Variants in MPP7 observed in about 807,000 individuals in gnomAD.
The protein encoded by MPP7 is MAGUK p55 subfamily member 7.
In MPP7, 60 loss-of-function variants were observed where a neutral mutation model predicts 76.5. That is an observed-to-expected ratio of 0.78 (90% CI 0.64 to 0.97). The LOEUF (loss-of-function observed/expected upper bound fraction) is 0.97, where lower values mean the gene tolerates loss of function less well. MPP7 is among the 50% of genes least tolerant of loss of function. The pLI is 0.00. For missense variants in MPP7, 641 were observed against 694.0 expected (o/e 0.92, Z 0.86); for synonymous variants, 237 against 244.5 (o/e 0.97, Z 0.29).
intron 2 of MPP7, among the ~76,000 whole-genome samples, chr10:28,237,239 TC>T (rs1262281481): frequency 6.6e-6 from 1 of 152,204 alleles, no homozygotes; most frequent in East Asian, 1.9e-4. Context: ...AATTTATGGT[TC>T]ACATAAATTT....
chr10:28,289,057 T>C lies in MPP7; in HGVS notation c.-132+13804A>G, dbSNP rs1840850990. 1.3e-5 allele frequency among the ~76,000 whole-genome samples: 2 copies of C among 152,090 alleles called. 1 individual carries two copies. The highest frequency in any genetic ancestry group is 4.2e-4 in the South Asian group (2 of 4,816). On this transcript the variant is annotated intron_variant, in intron 1 of 16. Transcript: ENST00000683449. ...GCTCACACCTGTAATCCCAGCACTT[T>C]GGGAGGCCGAGGTGGGCGGATCATT...
At chr10:28,218,611 C>G (rs1838392302) in intron 2 of MPP7, among the ~76,000 whole-genome samples, 1 of 152,136 alleles carries the variant, frequency 6.6e-6, no homozygotes, top group Non-Finnish European at 1.5e-5. Flanking sequence ...ATCAAACCAT[C>G]CAGGCCATAT....
intron 11 of MPP7, among the ~76,000 whole-genome samples, chr10:28,117,073 C>T (rs1345674030): frequency 6.6e-6 from 1 of 152,056 alleles, no homozygotes; most frequent in East Asian, 1.9e-4. Flanking sequence ...CCTATAGTTC[C>T]AGAACCATCT....
chr10:28,138,296 T>C (rs1183652178), intron 5 of MPP7, among the ~76,000 whole-genome samples: 1 of 152,204 alleles, frequency 6.6e-6, no homozygotes, highest in African/African-American at 2.4e-5. Flanking sequence ...TGACTATCTC[T>C]GCTTCCCCTA....
upstream of MPP7, among the ~76,000 whole-genome samples, chr10:28,335,005 C>T (rs1219947501): frequency 2.0e-5 from 3 of 152,188 alleles, no homozygotes; most frequent in African/African-American, 7.2e-5. Flanking sequence ...ACTCACGAGG[C>T]GGCAATCAAG....
intron 6 of MPP7, among the ~76,000 whole-genome samples, chr10:28,127,210 C>T (rs977072406): frequency 5.9e-5 from 9 of 152,178 alleles, no homozygotes; most frequent in Non-Finnish European, 1.0e-4. Context: ...GTTCCTTTGA[C>T]TTATTCTGTA....
chr10:28,334,815 C>A (rs1412462955), upstream of MPP7, among the ~76,000 whole-genome samples: 1 of 152,146 alleles, frequency 6.6e-6, no homozygotes, highest in Non-Finnish European at 1.5e-5. Flanking sequence ...TTCTTTCTCA[C>A]CCTTCCAAAA....
intron 1 of MPP7, 67 bp from the exon 2 acceptor site, chr10:28,238,802 C>T (rs893411027): frequency 3.4e-6 from 2 of 592,608 alleles, no homozygotes; most frequent in African/African-American, 3.7e-5. Flanking sequence ...CATTCTGTAA[C>T]TAATTCAAAA....
chr10:28,211,157 G>A (rs1838120754), intron 2 of MPP7, among the ~76,000 whole-genome samples: 1 of 151,804 alleles, frequency 6.6e-6, no homozygotes, highest in African/African-American at 2.4e-5. Flanking sequence ...AGAGTGCAGT[G>A]GCACGGTCAC....
At chr10:28,135,234 G>A (rs1376636374) in intron 5 of MPP7, among the ~76,000 whole-genome samples, 1 of 152,138 alleles carries the variant, frequency 6.6e-6, no homozygotes, top group Admixed American at 6.5e-5. Flanking sequence ...GACGTCAACT[G>A]ACTAGATTCT....
chr10:28,263,950 C>T (rs960606327), intron 1 of MPP7, among the ~76,000 whole-genome samples: 3 of 151,558 alleles, frequency 2.0e-5, no homozygotes, highest in Admixed American at 1.3e-4. Flanking sequence ...AGCTTCAATC[C>T]CCAGAAAAAA....
chr10:28,212,207 T>C (rs1838162392), intron 2 of MPP7, among the ~76,000 whole-genome samples: 1 of 151,904 alleles, frequency 6.6e-6, no homozygotes, highest in Non-Finnish European at 1.5e-5. Flanking sequence ...GGCAGACAAC[T>C]ATATGGGAAG....
chr10:28,330,208 T>C (rs2133192285), intron 1 of MPP7, among the ~76,000 whole-genome samples: 1 of 152,338 alleles, frequency 6.6e-6, no homozygotes, highest in East Asian at 1.9e-4. Flanking sequence ...TGAAATAGTT[T>C]TTGAAAATGA....
At chr10:28,279,915 T>C (rs921625474) in intron 1 of MPP7, among the ~76,000 whole-genome samples, 5 of 152,032 alleles carry the variant, frequency 3.3e-5, no homozygotes, top group Non-Finnish European at 7.3e-5. Flanking sequence ...TTAGAATTAT[T>C]ATGACTGTCA....
At chr10:28,250,526 C>T (rs1839582764) in intron 1 of MPP7, among the ~76,000 whole-genome samples, 1 of 152,116 alleles carries the variant, frequency 6.6e-6, no homozygotes, top group South Asian at 2.1e-4. Flanking sequence ...CACCTCCAAC[C>T]CATCCTACAC....
chr10:28,241,371 A>C (rs1839262922), intron 1 of MPP7, among the ~76,000 whole-genome samples: 1 of 152,184 alleles, frequency 6.6e-6, no homozygotes. Context: ...AAGTATATAT[A>C]CTACAAAGTA....
rs1835837508 is a variant in MPP7 at position 28,150,179 on chromosome 10, G to C, written c.157-120C>G. 1.0e-5 allele frequency: 7 copies of C among 691,070 alleles called. No homozygotes were observed. In the South Asian group the frequency reaches 1.3e-4, roughly 12 times the overall value. 42.8% of individuals were successfully genotyped at this position (691,070 alleles called of 1,614,324 possible). ...GAATATCCTAAAGTTATATGTTTAT[G>C]ACATATTACACACATGTAATATGTT... On this transcript the variant is annotated intron_variant, in intron 3 of 16. Transcript: ENST00000683449.
chr10:28,055,545 G>A (rs770433368), intron 16 of MPP7, among the ~76,000 whole-genome samples: 11 of 152,132 alleles, frequency 7.2e-5, no homozygotes, highest in Non-Finnish European at 1.5e-4. Context: ...AAAAGGTCTT[G>A]CCAGAACCCA....
In MPP7 at chr10:28,302,897, C is replaced by T. The variant is rs1841198957; in HGVS notation, c.-168G>A. Among the ~76,000 whole-genome samples the T allele has an allele frequency of 1.3e-5, 2 of 152,140 alleles. No homozygotes were observed. Among genetic ancestry groups the T allele is most frequent in the Non-Finnish European group, 2.9e-5 (2 of 68,000 alleles). On this transcript the variant is annotated 5_prime_UTR_variant, in exon 1 of 17. Coordinates refer to ENST00000683449, the MANE Select transcript of MPP7 (RefSeq NM_001318170.2). ...TGCCGCGGTCCGCGGGCAGGAGGCG[C>T]ACTCGCTCTGGCCCCTGCAGCCCCG...
Sources: allele counts gnomAD v4.1 joint callset (sites outside exome capture counted in the v4.1 genomes callset), GRCh38; gene constraint gnomAD v4.1.1; transcripts MANE v1.5; gene names NCBI Gene and HGNC (gene_info 2026-07-23, HGNC 2026-07-21).